The following EHHADH variants were observed in gnomAD, a reference collection of about 807,000 sequenced individuals.
The protein encoded by EHHADH is peroxisomal bifunctional enzyme.
A neutral mutation model predicts 64.4 loss-of-function variants in EHHADH; 48 were observed. That is an observed-to-expected ratio of 0.75 (90% CI 0.59 to 0.95). The LOEUF (loss-of-function observed/expected upper bound fraction) is 0.95. Among genes scored for constraint, EHHADH ranks in the 40% least tolerant of loss-of-function variants. EHHADH has a pLI of 0.00. For synonymous variants in EHHADH, 308 were observed against 326.7 expected (o/e 0.94, Z 0.62); for missense variants, 854 against 876.6 (o/e 0.97, Z 0.33).
At chr3:185,250,413 A>T (rs1719714242) in intron 1 of EHHADH, among the ~76,000 whole-genome samples, 1 of 152,236 alleles carries the variant, frequency 6.6e-6, no homozygotes, top group African/African-American at 2.4e-5. Flanking sequence ...CACAAAGACC[A>T]AGAGAGAAAA....
Position 185,192,586 on chromosome 3 carries a change from T to C in EHHADH, c.1812A>G (p.Arg604=), listed in dbSNP as rs945543672. The C allele has an allele frequency of 3.1e-6, 5 of 1,614,098 alleles. No individual in the cohort carries two copies. Among genetic ancestry groups the C allele is most frequent in the Non-Finnish European group, 4.2e-6 (5 of 1,180,034 alleles). ...TACGTGGTTCAATGTGATGGGTTTT[T>C]CTATACCGTGATAGGAATTTGGAAA... ...PWLSKFLSRY[R]KTHHIEPRTI... is the part of the protein sequence containing the mutation. Residue 604 remains arginine, a synonymous_variant, in exon 7 of 7, where the codon AGA becomes AGG. Coordinates refer to ENST00000231887, the MANE Select transcript of EHHADH (RefSeq NM_001966.4).
intron 1 of EHHADH, among the ~76,000 whole-genome samples, chr3:185,249,296 T>C (rs1719681242): frequency 6.6e-6 from 1 of 152,092 alleles, no homozygotes; most frequent in Non-Finnish European, 1.5e-5. Context: ...GTCCGGCTAA[T>C]TTTTTGTATT....
In EHHADH at chr3:185,236,666, C is replaced by T. The variant is rs116071978; in HGVS notation, c.179-1204G>A. On this transcript the variant is annotated intron_variant, in intron 2 of 6. Transcript: ENST00000231887. Reference sequence around the variant, plus strand: ...TACCTGTTCCTCATCTAGCATCAATCCAGGAGTTAAGCTTTTTTCTCACCA... The same window carrying T: ...TACCTGTTCCTCATCTAGCATCAATTCAGGAGTTAAGCTTTTTTCTCACCA... Among the ~76,000 whole-genome samples the T allele has an allele frequency of 9.4e-3, 1,432 of 152,092 alleles. 21 individuals carry two copies. The highest frequency in any genetic ancestry group is 0.032 in the African/African-American group (1,325 of 41,480).
intron 4 of EHHADH, among the ~76,000 whole-genome samples, chr3:185,228,609 T>C (rs1184764641): frequency 1.3e-5 from 2 of 149,662 alleles, no homozygotes; most frequent in East Asian, 2.0e-4. Context: ...ACCCGGGAGG[T>C]GGAGGTTGCC....
At chr3:185,210,612 G>A (rs537918729) in intron 5 of EHHADH, among the ~76,000 whole-genome samples, 1 of 150,824 alleles carries the variant, frequency 6.6e-6, no homozygotes, top group East Asian at 1.9e-4. Flanking sequence ...TCCAGCCTGG[G>A]CGACAGAGTG....
chr3:185,245,089 T>A (rs1242363457), intron 2 of EHHADH, among the ~76,000 whole-genome samples: 5 of 152,228 alleles, frequency 3.3e-5, no homozygotes, highest in African/African-American at 1.2e-4. Context: ...CTATTTGGGT[T>A]TTCTATTTCT....
chr3:185,220,343 A>T (rs1718799243), intron 4 of EHHADH, among the ~76,000 whole-genome samples: 2 of 152,226 alleles, frequency 1.3e-5, no homozygotes, highest in Non-Finnish European at 2.9e-5. Context: ...TTACGATATC[A>T]TATATTTACT....
At chr3:185,201,973 G>A (rs1439146532) in intron 6 of EHHADH, among the ~76,000 whole-genome samples, 1 of 152,228 alleles carries the variant, frequency 6.6e-6, no homozygotes, top group Non-Finnish European at 1.5e-5. Context: ...TGGTATTGCT[G>A]AAATATTTAA....
At chr3:185,244,368 T>C (rs554505679) in intron 2 of EHHADH, among the ~76,000 whole-genome samples, 1 of 152,242 alleles carries the variant, frequency 6.6e-6, no homozygotes, top group Non-Finnish European at 1.5e-5. Flanking sequence ...TGAGGGTTTG[T>C]TTCCGTCATA....
intron 5 of EHHADH, among the ~76,000 whole-genome samples, chr3:185,213,119 C>CAAAAAAAAAAAAAAAAAAAAAAAAAAAAA (rs550233979): frequency 2.6e-4 from 11 of 43,056 alleles, no homozygotes; most frequent in Middle Eastern, 0.024. Flanking sequence ...GACTCTGTCT[C>CAAAAAAAAAAAAAAAAAAAAAAAAAAAAA]AAAAAAAAAA....
Position 185,248,519 on chromosome 3 carries a change from T to TAAAAGAAAACAA in EHHADH, c.75-14_75-3dup. 6.3e-7 allele frequency: 1 copy of TAAAAGAAAACAA among 1,592,776 alleles called. No individual in the cohort carries two copies. The highest frequency in any genetic ancestry group is 8.6e-7 in the Non-Finnish European group (1 of 1,164,138). On this transcript the variant is annotated splice_region_variant and splice_polypyrimidine_tract_variant and intron_variant, in intron 1 of 6. Transcript: ENST00000231887. ...TTTATGTCACGGAGTAAAGTCGTAC[T>TAAAAGAAAACAA]AAAAGAAAACAAAATACATGAAGTA...
chr3:185,239,950 T>C (rs1719402434), intron 2 of EHHADH, among the ~76,000 whole-genome samples: 1 of 152,208 alleles, frequency 6.6e-6, no homozygotes, highest in African/African-American at 2.4e-5. Flanking sequence ...TTGAGGTATT[T>C]TTTGATGTCT....
At chr3:185,211,240 A>G (rs1045532363) in intron 5 of EHHADH, among the ~76,000 whole-genome samples, 2 of 152,214 alleles carry the variant, frequency 1.3e-5, no homozygotes, top group African/African-American at 4.8e-5. Flanking sequence ...ATACAATAAG[A>G]GAGGCAAGTG....
At chr3:185,205,350 A>G (rs1347088766) in intron 5 of EHHADH, among the ~76,000 whole-genome samples, 1 of 151,874 alleles carries the variant, frequency 6.6e-6, no homozygotes, top group Middle Eastern at 3.2e-3. Context: ...TGTAGTAGAG[A>G]CTCTAGTGTC....
chr3:185,198,774 T>G (rs906931594), intron 6 of EHHADH, among the ~76,000 whole-genome samples: 1 of 151,564 alleles, frequency 6.6e-6, no homozygotes, highest in Admixed American at 6.6e-5. Flanking sequence ...TGCTTGAAAC[T>G]GGAAGATGGA....
intron 2 of EHHADH, among the ~76,000 whole-genome samples, chr3:185,242,073 T>G (rs1200804763): frequency 6.6e-6 from 1 of 152,112 alleles, no homozygotes; most frequent in African/African-American, 2.4e-5. Context: ...ACTCATCCCC[T>G]TTTAAAATAG....
intron 6 of EHHADH, among the ~76,000 whole-genome samples, chr3:185,197,429 C>T (rs1475985980): frequency 6.6e-6 from 1 of 152,192 alleles, no homozygotes; most frequent in Non-Finnish European, 1.5e-5. Context: ...TGAAACTCTG[C>T]ACCTACTAAA....
chr3:185,238,265 C>T (rs912419594), intron 2 of EHHADH, among the ~76,000 whole-genome samples: 13 of 152,026 alleles, frequency 8.6e-5, no homozygotes, highest in South Asian at 4.1e-4. Flanking sequence ...TTCCTTTGGA[C>T]GGATCCCCAG....
At chr3:185,213,880 CAAAAAAAA>C (rs58869131) in intron 5 of EHHADH, among the ~76,000 whole-genome samples, 1 of 70,816 alleles carries the variant, frequency 1.4e-5, no homozygotes, top group African/African-American at 5.3e-5. Flanking sequence ...AACTCCGTCT[CAAAAAAAA>C]AAAAAAGAAA....
Sources: allele counts gnomAD v4.1 joint callset (sites outside exome capture counted in the v4.1 genomes callset), GRCh38; gene constraint gnomAD v4.1.1; transcripts MANE v1.5; gene names NCBI Gene and HGNC (gene_info 2026-07-23, HGNC 2026-07-21).